The following IMMP2L variants were observed in gnomAD, a reference collection of about 807,000 sequenced individuals.
The protein encoded by IMMP2L is inner mitochondrial membrane peptidase subunit 2, also known as mitochondrial inner membrane protease subunit 2.
A neutral mutation model predicts 19.3 loss-of-function variants in IMMP2L; 18 were observed. The ratio of observed to expected loss-of-function variants is 0.93; its 90% CI spans 0.64 to 1.38. The LOEUF is 1.38. Ranked by LOEUF, IMMP2L falls within the 40% of genes most tolerant of loss-of-function variation. IMMP2L has a pLI of 0.00. For synonymous variants in IMMP2L, 76 were observed against 73.0 expected (o/e 1.04, Z -0.21); for missense variants, 233 against 218.2 (o/e 1.07, Z -0.43).
chr7:111,473,379 C>CA (rs975988247), intron 3 of IMMP2L, among the ~76,000 whole-genome samples: 1 of 152,012 alleles, frequency 6.6e-6, no homozygotes, highest in Non-Finnish European at 1.5e-5. Context: ...ATACAAAATA[C>CA]AAAAAAATAC....
intron 1 of IMMP2L, among the ~76,000 whole-genome samples, chr7:111,534,429 G>A (rs1159956974): frequency 1.3e-5 from 2 of 152,006 alleles, no homozygotes; most frequent in Non-Finnish European, 2.9e-5. Context: ...TACACACACA[G>A]CATCATCCTC....
intron 3 of IMMP2L, among the ~76,000 whole-genome samples, chr7:111,138,260 G>GA (rs1398476565): frequency 5.3e-5 from 8 of 152,000 alleles, no homozygotes; most frequent in African/African-American, 7.2e-5. Context: ...TGTTCCACTG[G>GA]AAAAAAACAA....
chr7:110,946,208 T>C (rs903510599), intron 4 of IMMP2L, among the ~76,000 whole-genome samples: 2 of 152,306 alleles, frequency 1.3e-5, no homozygotes, highest in Middle Eastern at 3.4e-3. Flanking sequence ...CAATAATGTA[T>C]TAAATACATT....
intron 3 of IMMP2L, among the ~76,000 whole-genome samples, chr7:111,332,540 A>G (rs1474420858): frequency 2.0e-5 from 3 of 152,112 alleles, no homozygotes; most frequent in Admixed American, 6.6e-5. Context: ...AACAAAAACT[A>G]TAAGAGATGC....
At chr7:111,553,181 T>G (rs2894612) in intron 1 of IMMP2L, among the ~76,000 whole-genome samples, 121,274 of 152,044 alleles carry the variant, frequency 0.8, 50,164 homozygotes, top group East Asian at 0.97. Flanking sequence ...ATTTTACATA[T>G]GAGGCTCAGA....
intron 3 of IMMP2L, among the ~76,000 whole-genome samples, chr7:111,343,948 C>T (rs37648): frequency 0.56 from 85,053 of 151,806 alleles, 24,558 homozygotes; most frequent in South Asian, 0.7. Context: ...CTCCCTGAAA[C>T]GCTATTTCCC....
intron 3 of IMMP2L, among the ~76,000 whole-genome samples, chr7:111,476,289 C>A (rs1351988031): frequency 6.6e-6 from 1 of 152,042 alleles, no homozygotes; most frequent in Non-Finnish European, 1.5e-5. Flanking sequence ...ATTTGTTTCA[C>A]AGAAAAGAAA....
At chr7:111,424,925 C>T (rs987355361) in intron 3 of IMMP2L, among the ~76,000 whole-genome samples, 6 of 151,698 alleles carry the variant, frequency 4.0e-5, no homozygotes, top group African/African-American at 1.2e-4. Flanking sequence ...CAGTCTGCTG[C>T]CATTATAGCA....
intron 5 of IMMP2L, among the ~76,000 whole-genome samples, chr7:110,855,753 A>C (rs540172171): frequency 6.6e-6 from 1 of 152,090 alleles, no homozygotes; most frequent in Admixed American, 6.6e-5. Context: ...ATTTCTTGCC[A>C]AACATATCTC....
chr7:111,555,585 GTGATA>G (rs142227793), intron 1 of IMMP2L, among the ~76,000 whole-genome samples: 50 of 152,194 alleles, frequency 3.3e-4, no homozygotes, highest in Non-Finnish European at 6.5e-4. Flanking sequence ...ATCTGAAGCA[GTGATA>G]TGATTTCACT....
intron 4 of IMMP2L, among the ~76,000 whole-genome samples, chr7:110,945,146 T>G (rs1684144596): frequency 6.6e-6 from 1 of 151,628 alleles, no homozygotes; most frequent in Non-Finnish European, 1.5e-5. Flanking sequence ...CCAGAGACAG[T>G]GGGGAGAATG....
At chr7:111,478,744 G>C (rs1315137057) in intron 3 of IMMP2L, among the ~76,000 whole-genome samples, 1 of 152,048 alleles carries the variant, frequency 6.6e-6, no homozygotes, top group Non-Finnish European at 1.5e-5. Flanking sequence ...TTATTTAATA[G>C]TCCATGTCTA....
chr7:111,419,760 G>T lies in IMMP2L; in HGVS notation c.239+67478C>A, dbSNP rs115169337. On this transcript the variant is annotated intron_variant, in intron 3 of 5. Transcript: ENST00000405709. The stretch of plus-strand genomic sequence containing the variant: ...ACCGGAGACCTTGTCACAGGCACGT[G>T]TCCTCAGCCTTGGCAAAATAAACTT... Among the ~76,000 whole-genome samples the T allele has an allele frequency of 4.9e-3, 741 of 151,402 alleles. 26 individuals are homozygous for T. Among genetic ancestry groups the T allele is most frequent in the African/African-American group, 0.018 (717 of 40,970 alleles).
At chr7:110,860,830 G>A (rs2129542697) in intron 5 of IMMP2L, among the ~76,000 whole-genome samples, 1 of 151,944 alleles carries the variant, frequency 6.6e-6, no homozygotes, top group Admixed American at 6.6e-5. Flanking sequence ...CTAAAACAAA[G>A]GTTAACTAAA....
At chr7:111,374,332 G>C (rs2131141644) in intron 3 of IMMP2L, among the ~76,000 whole-genome samples, 1 of 152,034 alleles carries the variant, frequency 6.6e-6, no homozygotes, top group African/African-American at 2.4e-5. Context: ...TAAAGTCCTA[G>C]ACTAGGCTGG....
chr7:110,901,232 G>A (rs767557245), intron 4 of IMMP2L, among the ~76,000 whole-genome samples: 4 of 151,962 alleles, frequency 2.6e-5, no homozygotes, highest in East Asian at 3.9e-4. Context: ...CAAATTCCAC[G>A]AAGGTAGAGA....
At chr7:111,155,798 C>T (rs1804585400) in intron 3 of IMMP2L, among the ~76,000 whole-genome samples, 4 of 151,920 alleles carry the variant, frequency 2.6e-5, no homozygotes, top group African/African-American at 9.7e-5. Flanking sequence ...TTAGGCATAG[C>T]TTCGATGTAT....
At chr7:110,994,167 C>G in intron 3 of IMMP2L, among the ~76,000 whole-genome samples, 1 of 114,628 alleles carries the variant, frequency 8.7e-6, no homozygotes, top group East Asian at 2.0e-4. Context: ...AGAAACCACA[C>G]ACTTGGCTTT....
chr7:111,281,188 A>AAG (rs1315401002), intron 3 of IMMP2L, among the ~76,000 whole-genome samples: 93 of 59,540 alleles, frequency 1.6e-3, no homozygotes, highest in African/African-American at 6.3e-3. Context: ...GAAAGAAAGA[A>AAG]AGAAAGAAAG....
Sources: allele counts gnomAD v4.1 joint callset (sites outside exome capture counted in the v4.1 genomes callset), GRCh38; gene constraint gnomAD v4.1.1; transcripts MANE v1.5; gene names NCBI Gene and HGNC (gene_info 2026-07-23, HGNC 2026-07-21).